The following SLC25A26 variants were observed in gnomAD, a reference collection of about 807,000 sequenced individuals.
The protein encoded by SLC25A26 is mitochondrial S-adenosylmethionine carrier protein.
Under a neutral mutation model 37.8 loss-of-function variants are expected in SLC25A26, and 36 were observed. That is an observed-to-expected ratio of 0.95 (90% confidence interval 0.73 to 1.26). The LOEUF is 1.26. Ranked by LOEUF, SLC25A26 falls within the 50% of genes most tolerant of loss-of-function variation. The probability of loss-of-function intolerance (pLI) is 0.00; values close to 1 mark genes in which losing one functional copy is unlikely to be tolerated. For synonymous variants in SLC25A26, 129 were observed against 122.5 expected (o/e 1.05, Z -0.35); for missense variants, 390 against 331.1 (o/e 1.18, Z -1.38).
At chr3:66,148,760 G>T (rs1471977308) in intron 1 of SLC25A26, among the ~76,000 whole-genome samples, 2 of 152,108 alleles carry the variant, frequency 1.3e-5, no homozygotes, top group East Asian at 3.9e-4. Flanking sequence ...ATGTAGAGAT[G>T]TTGCCCAGGC....
chr3:66,293,229 T>TTATTTTTAAAAA (rs2074776829), intron 5 of SLC25A26: 1 of 152,158 alleles, frequency 6.6e-6, no homozygotes, highest in Non-Finnish European at 1.5e-5. Flanking sequence ...GCGGAAAGCG[T>TTATTTTTAAAAA]TATTTTTAAA....
intron 1 of SLC25A26, among the ~76,000 whole-genome samples, chr3:66,158,354 A>G (rs894014287): frequency 1.3e-5 from 2 of 152,152 alleles, no homozygotes; most frequent in Admixed American, 6.6e-5. Context: ...CTGTTCATCA[A>G]CTGATGGAAA....
intron 1 of SLC25A26, among the ~76,000 whole-genome samples, chr3:66,184,605 A>ATGTACTACATGCTCACCTTGAGTTTACTG (rs2070785566): frequency 6.7e-6 from 1 of 148,986 alleles, no homozygotes; most frequent in Non-Finnish European, 1.5e-5. Context: ...TGAGTTTACT[A>ATGTACTACATGCTCACCTTGAGTTTACTG]TGTATTACAT....
intron 2 of SLC25A26, 59 bp downstream of exon 2, chr3:66,236,759 T>C (rs1022529747): frequency 3.1e-5 from 42 of 1,341,892 alleles, no homozygotes; most frequent in Middle Eastern, 1.9e-4. Flanking sequence ...TTCAGAATGG[T>C]GTGTGGTCTT....
chr3:66,288,478 T>C (rs1459326572), intron 5 of SLC25A26, among the ~76,000 whole-genome samples: 1 of 151,968 alleles, frequency 6.6e-6, no homozygotes, highest in Non-Finnish European at 1.5e-5. Context: ...CCTGTAGCCA[T>C]CCCCTACCCC....
intron 1 of SLC25A26, among the ~76,000 whole-genome samples, chr3:66,185,209 T>C (rs1205543371): frequency 6.6e-6 from 1 of 152,198 alleles, no homozygotes; most frequent in Non-Finnish European, 1.5e-5. Flanking sequence ...TCATACAGTA[T>C]TTGTCCTTTG....
intron 1 of SLC25A26, among the ~76,000 whole-genome samples, chr3:66,173,917 G>T (rs1398850566): frequency 1.3e-5 from 2 of 152,150 alleles, no homozygotes; most frequent in African/African-American, 2.4e-5. Context: ...GCTGGGCGTG[G>T]TGGCGCATGC....
chr3:66,160,755 T>C (rs1356579703), intron 1 of SLC25A26, among the ~76,000 whole-genome samples: 1 of 152,072 alleles, frequency 6.6e-6, no homozygotes, highest in Non-Finnish European at 1.5e-5. Context: ...GCCAACATGA[T>C]GAAACCCCGT....
intron 5 of SLC25A26, among the ~76,000 whole-genome samples, chr3:66,339,425 A>G (rs2076157593): frequency 6.6e-6 from 1 of 151,994 alleles, no homozygotes; most frequent in Non-Finnish European, 1.5e-5. Context: ...TAATTCTACC[A>G]CTTAATTTTT....
chr3:66,375,797 A>G (rs556213044), intron 9 of SLC25A26, among the ~76,000 whole-genome samples: 2 of 152,106 alleles, frequency 1.3e-5, no homozygotes, highest in East Asian at 1.9e-4. Context: ...ATCAACATCC[A>G]TTCCTTAGCC....
intron 6 of SLC25A26, among the ~76,000 whole-genome samples, chr3:66,359,075 G>T (rs1357447218): frequency 6.6e-6 from 1 of 152,148 alleles, no homozygotes; most frequent in African/African-American, 2.4e-5. Flanking sequence ...TTCTTTATGT[G>T]TTTTTTGTAG....
chr3:66,139,525 A>G (rs952163804), intron 1 of SLC25A26, among the ~76,000 whole-genome samples: 6 of 152,176 alleles, frequency 3.9e-5, no homozygotes, highest in Admixed American at 1.3e-4. Context: ...AGCAGCACAC[A>G]TTTCTTTCGC....
At chr3:66,342,051 G>T (rs972992278) in intron 5 of SLC25A26, among the ~76,000 whole-genome samples, 3 of 151,956 alleles carry the variant, frequency 2.0e-5, no homozygotes, top group African/African-American at 7.3e-5. Context: ...TTTTGTTGTC[G>T]GTGGGACAGT....
intron 6 of SLC25A26, among the ~76,000 whole-genome samples, chr3:66,362,584 C>T (rs1250569067): frequency 6.6e-6 from 1 of 152,156 alleles, no homozygotes; most frequent in Non-Finnish European, 1.5e-5. Context: ...AGTTCACTAT[C>T]TGAATTGTGG....
At chr3:66,191,292 G>A (rs2070937219) in intron 1 of SLC25A26, among the ~76,000 whole-genome samples, 1 of 152,200 alleles carries the variant, frequency 6.6e-6, no homozygotes, top group Non-Finnish European at 1.5e-5. Context: ...CTACTCAGGA[G>A]TCTGAGGCGG....
At chr3:66,263,988 A>T (rs778431475) in intron 5 of SLC25A26, among the ~76,000 whole-genome samples, 1 of 152,012 alleles carries the variant, frequency 6.6e-6, no homozygotes, top group Non-Finnish European at 1.5e-5. Flanking sequence ...AGTATTAAGA[A>T]GTAACTTCGG....
At chr3:66,337,963 T>C (rs2076127438) in intron 5 of SLC25A26, among the ~76,000 whole-genome samples, 1 of 152,044 alleles carries the variant, frequency 6.6e-6, no homozygotes, top group South Asian at 2.1e-4. Flanking sequence ...TTTTGACAAA[T>C]GTATAGTCGT....
intron 5 of SLC25A26, among the ~76,000 whole-genome samples, chr3:66,291,038 C>T (rs995531606): frequency 1.3e-5 from 2 of 152,098 alleles, no homozygotes; most frequent in African/African-American, 2.4e-5. Flanking sequence ...CTGGTTTAGT[C>T]TTGGGAGGGT....
intron 6 of SLC25A26, among the ~76,000 whole-genome samples, chr3:66,355,377 A>C (rs2076552050): frequency 6.6e-6 from 1 of 152,270 alleles, no homozygotes; most frequent in African/African-American, 2.4e-5. Context: ...TGCTGCTTGC[A>C]CATCCCAGAA....
Sources: allele counts gnomAD v4.1 joint callset (sites outside exome capture counted in the v4.1 genomes callset), GRCh38; gene constraint gnomAD v4.1.1; transcripts MANE v1.5; gene names NCBI Gene and HGNC (gene_info 2026-07-23, HGNC 2026-07-21).